Variants in MACROD2 observed in about 807,000 individuals in gnomAD.
The protein encoded by MACROD2 is ADP-ribose glycohydrolase MACROD2.
A neutral mutation model predicts 70.4 loss-of-function variants in MACROD2; 36 were observed. The ratio of observed to expected loss-of-function variants is 0.51; its 90% CI spans 0.39 to 0.68. MACROD2 has a LOEUF of 0.68. Among genes scored for constraint, MACROD2 ranks in the 30% least tolerant of loss-of-function variants. The pLI is 0.00. For missense variants in MACROD2, 496 were observed against 538.4 expected, an observed-to-expected ratio of 0.92 and a Z score of 0.78; for synonymous variants, 172 against 178.8, an observed-to-expected ratio of 0.96 and a Z score of 0.30.
chr20:14,082,177 C>CTTTTTTTTTTTTTTTTT lies in MACROD2; in HGVS notation c.164-3441_164-3425dup, dbSNP rs66918191. Reference sequence around the variant, plus strand: ...TTTTCCCATACCTTTCTTTTTTTTTCTTTTTTTTTTTTTTTTTTTGAGATG... The same window carrying CTTTTTTTTTTTTTTTTT: ...TTTTCCCATACCTTTCTTTTTTTTTCTTTTTTTTTTTTTTTTTTTTTTTTTTTTTTTTTTTTGAGATG... On this transcript the variant is annotated intron_variant, in intron 2 of 17. Coordinates refer to ENST00000684519, the MANE Select transcript of MACROD2 (RefSeq NM_001351661.2). Among the ~76,000 whole-genome samples the CTTTTTTTTTTTTTTTTT allele has an allele frequency of 1.4e-3, 134 of 93,198 alleles. 1 individual carries two copies. Among genetic ancestry groups the CTTTTTTTTTTTTTTTTT allele is most frequent in the African/African-American group, 1.6e-3 (37 of 22,608 alleles). 61.1% of individuals were successfully genotyped at this position (93,198 alleles called of 152,430 possible).
At chr20:14,415,037 A>G (rs2083789402) in intron 3 of MACROD2, among the ~76,000 whole-genome samples, 1 of 152,042 alleles carries the variant, frequency 6.6e-6, no homozygotes, top group Non-Finnish European at 1.5e-5. Context: ...TAGGGAATAT[A>G]TAAGTTCCAT....
rs548734346 is a variant in MACROD2, at chr20:14,870,714, T to A, written c.418+185755T>A. ...AATGATCAGTGATGTTGAGGTTTTTTTCATATGATTGCTGGCCATGTGTAT... is the reference window on the plus strand; with the variant it reads ...AATGATCAGTGATGTTGAGGTTTTTATCATATGATTGCTGGCCATGTGTAT... On this transcript the variant is annotated intron_variant, in intron 5 of 17. Coordinates refer to ENST00000684519, the MANE Select transcript of MACROD2 (RefSeq NM_001351661.2). Among the ~76,000 whole-genome samples, 6 of 152,302 alleles carry A rather than the reference T, an allele frequency of 3.9e-5. No individual in the cohort carries two copies. In the South Asian group the frequency reaches 1.2e-3, roughly 32 times the overall value.
chr20:15,165,236 A>G (rs918606770), intron 5 of MACROD2, among the ~76,000 whole-genome samples: 1 of 152,208 alleles, frequency 6.6e-6, no homozygotes, highest in Non-Finnish European at 1.5e-5. Context: ...CAGGTGAATC[A>G]TCTGAGGTCA....
chr20:15,171,871 A>G (rs1459865402), intron 5 of MACROD2, among the ~76,000 whole-genome samples: 2 of 152,170 alleles, frequency 1.3e-5, no homozygotes, highest in Non-Finnish European at 2.9e-5. Flanking sequence ...TGAAGACTGG[A>G]CCAGGTCCCT....
At chr20:15,456,935 A>G (rs1251941504) in intron 7 of MACROD2, among the ~76,000 whole-genome samples, 2 of 151,864 alleles carry the variant, frequency 1.3e-5, no homozygotes, top group Admixed American at 1.3e-4. Context: ...TGCAGGCCTC[A>G]CTTTTTATGG....
chr20:14,347,248 T>C (rs2083073351), intron 3 of MACROD2, among the ~76,000 whole-genome samples: 1 of 152,160 alleles, frequency 6.6e-6, no homozygotes, highest in Admixed American at 6.5e-5. Context: ...ACTATGGTGG[T>C]AAGTGCAAGC....
intron 4 of MACROD2, among the ~76,000 whole-genome samples, chr20:14,538,532 C>T (rs139195635): frequency 8.8e-4 from 134 of 152,326 alleles, no homozygotes; most frequent in African/African-American, 3.0e-3. Context: ...CCACAATTTG[C>T]TCAGCTACTA....
intron 4 of MACROD2, among the ~76,000 whole-genome samples, chr20:14,506,576 A>T (rs575848625): frequency 6.6e-6 from 1 of 152,286 alleles, no homozygotes; most frequent in South Asian, 2.1e-4. Context: ...CATGAAGGAG[A>T]CGTATTTTAC....
chr20:14,101,663 C>T (rs1269501483), intron 3 of MACROD2, among the ~76,000 whole-genome samples: 1 of 151,424 alleles, frequency 6.6e-6, no homozygotes, highest in Non-Finnish European at 1.5e-5. Flanking sequence ...ACAGAAAAAC[C>T]CACCTCATCT....
chr20:15,817,864 C>A (rs971235729), intron 8 of MACROD2, among the ~76,000 whole-genome samples: 26 of 152,200 alleles, frequency 1.7e-4, no homozygotes, highest in African/African-American at 4.6e-4. Context: ...TGTGGCCTGG[C>A]CTGGCCCTGC....
intron 4 of MACROD2, among the ~76,000 whole-genome samples, chr20:14,523,739 A>G (rs769366603): frequency 2.0e-5 from 3 of 152,208 alleles, no homozygotes; most frequent in Non-Finnish European, 4.4e-5. Context: ...TCTTCTAGAA[A>G]TTTACTAGCT....
At chr20:15,637,985 C>A (rs369176295) in intron 8 of MACROD2, among the ~76,000 whole-genome samples, 8 of 152,118 alleles carry the variant, frequency 5.3e-5, no homozygotes, top group Non-Finnish European at 1.2e-4. Flanking sequence ...GCCATGCTGT[C>A]GGCTATAAAC....
At chr20:15,184,865 A>T (rs980197670) in intron 5 of MACROD2, among the ~76,000 whole-genome samples, 1 of 152,198 alleles carries the variant, frequency 6.6e-6, no homozygotes, top group Non-Finnish European at 1.5e-5. Context: ...TGTTTAAAAT[A>T]CACCTGCAAG....
chr20:14,768,917 A>C (rs982007382), intron 5 of MACROD2, among the ~76,000 whole-genome samples: 2 of 152,118 alleles, frequency 1.3e-5, no homozygotes, highest in African/African-American at 4.8e-5. Context: ...TTTCTCAATA[A>C]AGAAGAAGTA....
chr20:14,464,863 C>T (rs532061623), intron 3 of MACROD2, among the ~76,000 whole-genome samples: 31 of 152,054 alleles, frequency 2.0e-4, no homozygotes, highest in South Asian at 4.2e-4. Flanking sequence ...GTTTCTTAAT[C>T]CTGAGTTGTA....
intron 6 of MACROD2, among the ~76,000 whole-genome samples, chr20:15,244,795 G>T (rs2077091511): frequency 6.6e-6 from 1 of 152,098 alleles, no homozygotes; most frequent in South Asian, 2.1e-4. Flanking sequence ...TTAAACAGTA[G>T]TAAAGGCACA....
chr20:14,130,930 G>GT (rs11087075), intron 3 of MACROD2, among the ~76,000 whole-genome samples: 2,969 of 109,628 alleles, frequency 0.027, 89 homozygotes, highest in Admixed American at 0.078. Context: ...TGTTTTTTTT[G>GT]TTTTTTTTTT....
At chr20:15,172,340 A>G (rs1373462000) in intron 5 of MACROD2, among the ~76,000 whole-genome samples, 1 of 152,236 alleles carries the variant, frequency 6.6e-6, no homozygotes, top group Non-Finnish European at 1.5e-5. Context: ...GGGAAGGAAT[A>G]TTGAGATCTA....
At chr20:14,890,951 T>TTTCCTTCCTTCCTTCCTTCCTTCCTTCC (rs372577604) in intron 5 of MACROD2, among the ~76,000 whole-genome samples, 7 of 105,768 alleles carry the variant, frequency 6.6e-5, no homozygotes, top group African/African-American at 2.6e-4. Context: ...TCTTTCTCTT[T>TTTCCTTCCTTCCTTCCTTCCTTCCTTCC]TTCCTTCCTT....
Sources: gnomAD v4.1 joint callset for allele counts (sites outside exome capture counted in the v4.1 genomes callset) on GRCh38, gnomAD v4.1.1 for gene constraint, MANE v1.5 for transcripts, NCBI Gene and HGNC (gene_info 2026-07-23, HGNC 2026-07-21) for gene names.